AK5: variants seen among roughly 807,000 people sequenced by gnomAD.
AK5 encodes the protein adenylate kinase isoenzyme 5.
Under a neutral mutation model 69.5 loss-of-function variants are expected in AK5, and 27 were observed. The ratio of observed to expected loss-of-function variants is 0.39; its 90% confidence interval spans 0.29 to 0.54. The LOEUF is 0.54. Ranked by LOEUF, AK5 falls within the 20% of genes least tolerant of loss-of-function variation. The probability of loss-of-function intolerance (pLI) is 0.71; values close to 1 mark genes in which losing one functional copy is unlikely to be tolerated. For missense variants in AK5, 531 were observed against 700.4 expected (o/e 0.76, Z 2.73); for synonymous variants, 260 against 244.4 (o/e 1.06, Z -0.60).
rs188358109 is a variant in AK5 at position 77,421,208 on chromosome 1, G to A, written c.1059+3493G>A. Among the ~76,000 whole-genome samples, 11 of 152,096 alleles carry A rather than the reference G, an allele frequency of 7.2e-5. No homozygotes were observed. In the East Asian group the frequency reaches 1.4e-3, roughly 19 times the overall value. On this transcript the variant is annotated intron_variant, in intron 8 of 13. Transcript: ENST00000354567. ...ATTTCTAGAGCTTTTAATACTTGTC[G>A]GTGTGCTTCATATTTATTACCTCAT...
intron 5 of AK5, among the ~76,000 whole-genome samples, chr1:77,304,635 C>A (rs1659536581): frequency 6.6e-6 from 1 of 152,130 alleles, no homozygotes; most frequent in African/African-American, 2.4e-5. Context: ...GAACTCCAGA[C>A]CTCGGGTGAT....
intron 6 of AK5, among the ~76,000 whole-genome samples, chr1:77,374,644 A>AC (rs1647190975): frequency 6.6e-6 from 1 of 151,886 alleles, no homozygotes; most frequent in Admixed American, 6.6e-5. Flanking sequence ...GCACAATGAG[A>AC]CCCTATCTCT....
chr1:77,343,049 G>A (rs1011496061), intron 6 of AK5, among the ~76,000 whole-genome samples: 1 of 152,160 alleles, frequency 6.6e-6, no homozygotes, highest in Admixed American at 6.5e-5. Flanking sequence ...AACAGAGCTT[G>A]CAGTGTGTGG....
chr1:77,379,983 G>A (rs1438497538), intron 6 of AK5, among the ~76,000 whole-genome samples: 1 of 152,186 alleles, frequency 6.6e-6, no homozygotes, highest in East Asian at 1.9e-4. Flanking sequence ...AGCTTGCAGG[G>A]TTCCAAGGAA....
intron 6 of AK5, among the ~76,000 whole-genome samples, chr1:77,396,612 C>T (rs76321710): frequency 1.3e-5 from 2 of 152,074 alleles, no homozygotes; most frequent in Non-Finnish European, 2.9e-5. Context: ...GTTGTTTAAA[C>T]GGCTCTGAAT....
chr1:77,362,382 C>T (rs1001938283), intron 6 of AK5, among the ~76,000 whole-genome samples: 2 of 152,028 alleles, frequency 1.3e-5, no homozygotes, highest in African/African-American at 4.8e-5. Context: ...TACTTTAAAA[C>T]CGCCATTATC....
chr1:77,555,512 CACTT>C (rs2100406584), intron 13 of AK5, among the ~76,000 whole-genome samples: 2 of 152,256 alleles, frequency 1.3e-5, no homozygotes, highest in African/African-American at 4.8e-5. Context: ...CAGTTCTCTC[CACTT>C]ACTTAACCAC....
chr1:77,297,631 T>C lies in AK5; in HGVS notation c.488T>C (p.Val163Ala), dbSNP rs761026054. ...CGATATGGATTCCAATACATTTCTGTGGGAGAATTATTAAGAAAGAAGATC... is the reference window on the plus strand; with the variant it reads ...CGATATGGATTCCAATACATTTCTGCGGGAGAATTATTAAGAAAGAAGATC... ...AERYGFQYIS[V>A]GELLRKKIHS... The change falls in exon 4 of 14, where the codon GTG becomes GCG. Residue 163 changes from valine to alanine, a missense_variant. Val to Ala is a moderately conservative substitution (Grantham distance 64). Transcript: ENST00000354567. The C allele has an allele frequency of 1.9e-6, 3 of 1,613,920 alleles. No homozygotes were observed. The highest frequency in any genetic ancestry group is 1.1e-5 in the South Asian group (1 of 91,034).
intron 2 of AK5, chr1:77,293,485 T>C (rs563178414): frequency 9.5e-6 from 2 of 210,490 alleles, no homozygotes; most frequent in South Asian, 2.2e-4. Context: ...CAAGTTCATC[T>C]CACTGCCTGT....
At chr1:77,449,673 A>G (rs1215309278) in intron 8 of AK5, among the ~76,000 whole-genome samples, 3 of 152,116 alleles carry the variant, frequency 2.0e-5, no homozygotes, top group Non-Finnish European at 2.9e-5. Context: ...AGGTTTGGCT[A>G]TGTCCCCACC....
intron 13 of AK5, among the ~76,000 whole-genome samples, chr1:77,542,195 C>T (rs946918448): frequency 6.6e-6 from 1 of 152,002 alleles, no homozygotes; most frequent in African/African-American, 2.4e-5. Context: ...TGGTGGTGCG[C>T]ATATGTAATC....
At chr1:77,444,759 TG>T (rs967578375) in intron 8 of AK5, among the ~76,000 whole-genome samples, 4 of 148,494 alleles carry the variant, frequency 2.7e-5, no homozygotes, top group Non-Finnish European at 5.9e-5. Context: ...CTGTAGAGAT[TG>T]GGGGGAGGGT....
At chr1:77,308,488 T>C (rs1659769289) in intron 5 of AK5, among the ~76,000 whole-genome samples, 1 of 148,846 alleles carries the variant, frequency 6.7e-6, no homozygotes, top group African/African-American at 2.5e-5. Flanking sequence ...CCTGATTGTT[T>C]AAAGGTTAGT....
chr1:77,420,926 A>C (rs2100589398), intron 8 of AK5, among the ~76,000 whole-genome samples: 1 of 152,338 alleles, frequency 6.6e-6, no homozygotes, highest in Non-Finnish European at 1.5e-5. Context: ...GCCATCATTG[A>C]GCAAAACAGC....
chr1:77,497,370 G>A (rs953098204), intron 10 of AK5, among the ~76,000 whole-genome samples: 2 of 152,112 alleles, frequency 1.3e-5, no homozygotes, highest in Admixed American at 6.5e-5. Flanking sequence ...CAAACCCACC[G>A]GAAGGAAGAA....
chr1:77,357,021 T>G (rs1662566715), intron 6 of AK5, among the ~76,000 whole-genome samples: 1 of 152,218 alleles, frequency 6.6e-6, no homozygotes. Context: ...TCTTCCGATT[T>G]GGCTTCCACT....
intron 10 of AK5, among the ~76,000 whole-genome samples, chr1:77,506,468 AACC>A (rs1657035006): frequency 6.6e-6 from 1 of 151,858 alleles, no homozygotes; most frequent in Non-Finnish European, 1.5e-5. Flanking sequence ...AACATTTCAG[AACC>A]ACCACCAACA....
intron 13 of AK5, among the ~76,000 whole-genome samples, chr1:77,543,690 C>T (rs1051583234): frequency 2.6e-5 from 4 of 151,876 alleles, no homozygotes; most frequent in East Asian, 1.9e-4. Context: ...GAACCACTGG[C>T]GATAGGGAGC....
Position 77,293,969 on chromosome 1 carries a change from A to G in AK5, c.415+9A>G, listed in dbSNP as rs921992093. 6.2e-7 allele frequency: 1 copy of G among 1,602,372 alleles called. No homozygotes were observed. ...AATCATTCTTGTTATAGGTATGAGGACAGAAAGCAAAAATTCTCATACCGT... is the reference window on the plus strand; with the variant it reads ...AATCATTCTTGTTATAGGTATGAGGGCAGAAAGCAAAAATTCTCATACCGT... On this transcript the variant is annotated intron_variant, in intron 3 of 13. Coordinates refer to ENST00000354567, the MANE Select transcript of AK5 (RefSeq NM_174858.3).
Sources: gnomAD v4.1 joint callset for allele counts (sites outside exome capture counted in the v4.1 genomes callset) on GRCh38, gnomAD v4.1.1 for gene constraint, MANE v1.5 for transcripts, NCBI Gene and HGNC (gene_info 2026-07-23, HGNC 2026-07-21) for gene names.